The following RGS10 variants were observed in gnomAD, a reference collection of about 807,000 sequenced individuals.
The protein encoded by RGS10 is regulator of G-protein signalling 10.
Under a neutral mutation model 23.5 loss-of-function variants are expected in RGS10, and 11 were observed. That is an observed-to-expected ratio of 0.47 (90% CI 0.29 to 0.77). The LOEUF (loss-of-function observed/expected upper bound fraction) is 0.77, where lower values mean the gene tolerates loss of function less well. Among genes scored for constraint, RGS10 ranks in the 30% least tolerant of loss-of-function variants. The pLI is 0.08. For missense variants in RGS10, 180 were observed against 226.3 expected (o/e 0.80, Z 1.31); for synonymous variants, 77 against 83.2 (o/e 0.92, Z 0.41).
chr10:119,518,677 C>T (rs1368923535), intron 3 of RGS10, among the ~76,000 whole-genome samples: 1 of 151,828 alleles, frequency 6.6e-6, no homozygotes, highest in Non-Finnish European at 1.5e-5. Flanking sequence ...CAGCTCTCTA[C>T]ATGGGGGTTA....
intron 1 of RGS10, among the ~76,000 whole-genome samples, chr10:119,528,460 G>T (rs1037029829): frequency 6.6e-6 from 1 of 152,062 alleles, no homozygotes; most frequent in Non-Finnish European, 1.5e-5. Context: ...GTCCAATATG[G>T]CTCAGCATCA....
chr10:119,506,899 C>T (rs773786056), intron 4 of RGS10, among the ~76,000 whole-genome samples: 79 of 152,174 alleles, frequency 5.2e-4, no homozygotes, highest in Non-Finnish European at 6.8e-4. Flanking sequence ...CGGGGTTTCA[C>T]CATGTTAGCC....
intron 4 of RGS10, among the ~76,000 whole-genome samples, chr10:119,514,953 C>T (rs942515334): frequency 3.9e-5 from 6 of 152,188 alleles, no homozygotes; most frequent in African/African-American, 1.4e-4. Context: ...TTCCAGGAGG[C>T]CCTCCGCAAG....
intron 4 of RGS10, among the ~76,000 whole-genome samples, chr10:119,503,263 C>T (rs1054628692): frequency 2.0e-5 from 3 of 151,436 alleles, no homozygotes; most frequent in East Asian, 1.9e-4. Context: ...CACCTAAGCC[C>T]GCGGAGGTTG....
chr10:119,528,601 G>A (rs1424206331), intron 1 of RGS10, among the ~76,000 whole-genome samples: 5 of 152,000 alleles, frequency 3.3e-5, no homozygotes. Flanking sequence ...GCTCACACTT[G>A]TAATCCCAGC....
intron 4 of RGS10, among the ~76,000 whole-genome samples, chr10:119,500,859 A>AAC (rs1843944996): frequency 6.6e-6 from 1 of 152,136 alleles, no homozygotes; most frequent in South Asian, 2.1e-4. Flanking sequence ...GCAGAATGCC[A>AAC]ACATCTGTGC....
intron 3 of RGS10, among the ~76,000 whole-genome samples, chr10:119,522,910 C>T (rs143310217): frequency 1.1e-3 from 165 of 151,128 alleles, no homozygotes; most frequent in African/African-American, 3.9e-3. Context: ...CAGGGTGTCA[C>T]TTTGTCATCC....
At chr10:119,505,186 A>G (rs1843995649) in intron 4 of RGS10, among the ~76,000 whole-genome samples, 3 of 152,114 alleles carry the variant, frequency 2.0e-5, no homozygotes, top group Admixed American at 2.0e-4. Flanking sequence ...AAAGAAGAAA[A>G]TGGAGCTATC....
Position 119,526,132 on chromosome 10 carries a change from G to A in RGS10, c.169-14C>T. ...TTTTAAAAATTCCTGTGGATACAAA[G>A]AAAAAGAGTCACACAGTATTCTACT... On this transcript the variant is annotated splice_polypyrimidine_tract_variant and intron_variant, in intron 2 of 4. Transcript: ENST00000369103. The A allele has an allele frequency of 3.0e-6, 4 of 1,345,530 alleles. No individual in the cohort carries two copies. Among genetic ancestry groups the A allele is most frequent in the South Asian group, 2.7e-5 (2 of 75,048 alleles). 83.3% of individuals were successfully genotyped at this position (1,345,530 alleles called of 1,614,324 possible).
rs1269613177 is a variant in RGS10 at position 119,517,036 on chromosome 10, C to T, written c.256-1384G>A. ...GGGGGGCCTGGAAAACTGCCTTTCT[C>T]TCCAAGAGCCCAACTGGGGCTCCGC... On this transcript the variant is annotated intron_variant, in intron 3 of 4. Coordinates refer to ENST00000369103, the MANE Select transcript of RGS10 (RefSeq NM_001005339.2). This position sits in a 1 kb window ranked among gnomAD's most constrained non-coding sequence, Gnocchi z 5.0. Among the ~76,000 whole-genome samples the T allele has an allele frequency of 6.6e-6, 1 of 152,260 alleles. No individual in the cohort carries two copies. The highest frequency in any genetic ancestry group is 1.5e-5 in the Non-Finnish European group (1 of 68,044).
rs1454895358 is a variant in RGS10 at position 119,524,319 on chromosome 10, C to T, written c.255+1713G>A. ...AGCAGCATGGTGGTGCAGACAACAA[C>T]GGGTGACTTCAGGGAGCTAGTTCAA... On this transcript the variant is annotated intron_variant, in intron 3 of 4. Transcript: ENST00000369103. The surrounding 1 kb of genome is among the most constrained non-coding windows in gnomAD (Gnocchi z 5.2). 1.3e-5 allele frequency among the ~76,000 whole-genome samples: 2 copies of T among 152,176 alleles called. No homozygotes were observed. Among genetic ancestry groups the T allele is most frequent in the African/African-American group, 4.8e-5 (2 of 41,450 alleles).
intron 1 of RGS10, among the ~76,000 whole-genome samples, chr10:119,539,118 G>A (rs2133962547): frequency 6.6e-6 from 1 of 152,346 alleles, no homozygotes; most frequent in South Asian, 2.1e-4. Flanking sequence ...AGGCTCAACT[G>A]GCTCATAAGC....
intron 4 of RGS10, among the ~76,000 whole-genome samples, chr10:119,514,910 C>A (rs1844124691): frequency 6.6e-6 from 1 of 152,128 alleles, no homozygotes; most frequent in South Asian, 2.1e-4. Context: ...AATCAATGCC[C>A]ATGCGTCCTT....
rs143317781 is a variant in RGS10, at chr10:119,515,755, G to A, written c.256-103C>T. On this transcript the variant is annotated intron_variant, in intron 3 of 4. Coordinates refer to ENST00000369103, the MANE Select transcript of RGS10 (RefSeq NM_001005339.2). ...AGGCCCACAGGAGCTGCTGTGGCAA[G>A]AGAAAGGCACCCCCCACAGCCCAGG... 3.0e-5 allele frequency: 42 copies of A among 1,414,498 alleles called. No homozygotes were observed. In the South Asian group the frequency reaches 5.2e-4, roughly 18 times the overall value. The allele number at this position is 1,414,498 out of a possible 1,614,324, so 87.6% of individuals were successfully genotyped here.
At position 119,541,607 on chromosome 10, in the gene RGS10, A is replaced by C. The variant is rs143067652; in HGVS notation, c.49+983T>G. Among the ~76,000 whole-genome samples the C allele has an allele frequency of 1.4e-4, 21 of 152,286 alleles. 1 individual carries two copies. In the East Asian group the frequency reaches 4.1e-3, roughly 29 times the overall value. On this transcript the variant is annotated intron_variant, in intron 1 of 4. Coordinates refer to ENST00000369103, the MANE Select transcript of RGS10 (RefSeq NM_001005339.2). ...TCCCTCATAAAATACCAGGAGCAGA[A>C]AGGAAATGCACCAACGCGTTGGGAC...
rs138996803 is a variant in RGS10 at position 119,514,065 on chromosome 10, G to C, written c.399+1444C>G. Among the ~76,000 whole-genome samples, 354 of 152,330 alleles carry C rather than the reference G, an allele frequency of 2.3e-3. 2 individuals carry two copies. In the Middle Eastern group the frequency reaches 0.041, roughly 18 times the overall value. On this transcript the variant is annotated intron_variant, in intron 4 of 4. Coordinates refer to ENST00000369103, the MANE Select transcript of RGS10 (RefSeq NM_001005339.2). ...CAGGCTCAAACGGGCAGTCCTAAAT[G>C]GTAGTTAGGGCCAGGCGTGGTGGCT...
At chr10:119,534,783 G>C (rs572458342) in intron 1 of RGS10, among the ~76,000 whole-genome samples, 1 of 151,660 alleles carries the variant, frequency 6.6e-6, no homozygotes, top group African/African-American at 2.4e-5. Flanking sequence ...CCAGCTACTC[G>C]GGAGGCTGAA....
At chr10:119,512,342 C>T (rs1844088094) in intron 4 of RGS10, among the ~76,000 whole-genome samples, 4 of 152,020 alleles carry the variant, frequency 2.6e-5, no homozygotes, top group Admixed American at 2.6e-4. Context: ...GGAGCCTTTG[C>T]AAGAAAAAAA....
chr10:119,539,084 G>T (rs971624966), intron 1 of RGS10, among the ~76,000 whole-genome samples: 13 of 152,212 alleles, frequency 8.5e-5, no homozygotes, highest in African/African-American at 2.9e-4. Context: ...GGCTGCACTA[G>T]GTGGTGCCCA....
Sources: allele counts gnomAD v4.1 joint callset (sites outside exome capture counted in the v4.1 genomes callset), GRCh38; gene constraint gnomAD v4.1.1; non-coding constraint Gnocchi (gnomAD v3.1); transcripts MANE v1.5; gene names NCBI Gene and HGNC (gene_info 2026-07-23, HGNC 2026-07-21).